The following STEAP1B variants were observed in gnomAD, a reference collection of about 807,000 sequenced individuals.
The protein encoded by STEAP1B is STEAP family protein MGC87042.
A neutral mutation model predicts 27.9 loss-of-function variants in STEAP1B; 13 were observed. The ratio of observed to expected loss-of-function variants is 0.47; its 90% confidence interval spans 0.30 to 0.74. The LOEUF (loss-of-function observed/expected upper bound fraction) is 0.74, where lower values mean the gene tolerates loss of function less well. Ranked by LOEUF, STEAP1B falls within the 30% of genes least tolerant of loss-of-function variation. The probability of loss-of-function intolerance (pLI) is 0.06; values close to 1 mark genes in which losing one functional copy is unlikely to be tolerated. For missense variants in STEAP1B, 250 were observed against 298.7 expected (o/e 0.84, Z 1.20); for synonymous variants, 86 against 107.1 (o/e 0.80, Z 1.22).
Position 22,493,689 on chromosome 7 carries a change from C to G in STEAP1B, c.232G>C (p.Ala78Pro), listed in dbSNP as rs761430280. 8.7e-6 allele frequency: 14 copies of G among 1,614,000 alleles called. No homozygotes were observed. The South Asian group carries it at 1.5e-4, about 18-fold the overall frequency. ...AAAGTCAGAGATGCCATAACAGCAG[C>G]TATTTTAATTGGCAAGTGCCACTGT... ...FPQWHLPIKIAAVMASLTFLY... is the reference protein window; with the variant it reads ...FPQWHLPIKIPAVMASLTFLY... The change falls in exon 3 of 5, where the codon GCT (alanine) becomes CCT (proline). Residue 78 changes from alanine to proline, a missense_variant. Transcript: ENST00000678116.
intron 4 of STEAP1B, among the ~76,000 whole-genome samples, chr7:22,466,216 T>G (rs1785780165): frequency 6.6e-6 from 1 of 152,232 alleles, no homozygotes; most frequent in South Asian, 2.1e-4. Flanking sequence ...ACAACAGTTT[T>G]TTTTCTACCT....
At chr7:22,485,803 GC>G (rs1182069330) in intron 4 of STEAP1B, among the ~76,000 whole-genome samples, 1 of 152,182 alleles carries the variant, frequency 6.6e-6, no homozygotes, top group Non-Finnish European at 1.5e-5. Flanking sequence ...AGATGAGTCT[GC>G]CTCTGGCTTC....
intron 4 of STEAP1B, among the ~76,000 whole-genome samples, chr7:22,462,356 T>C (rs1785693051): frequency 7.2e-6 from 1 of 139,614 alleles, no homozygotes; most frequent in African/African-American, 2.7e-5. Flanking sequence ...GCATTAGGTA[T>C]ATCTACCAAT....
At chr7:22,475,610 T>C (rs1294308387) in intron 4 of STEAP1B, among the ~76,000 whole-genome samples, 1 of 152,078 alleles carries the variant, frequency 6.6e-6, no homozygotes, top group Non-Finnish European at 1.5e-5. Context: ...CTTTAAGCCA[T>C]CCCCCAGCCT....
chr7:22,419,752 C>A lies in STEAP1B; in HGVS notation c.*52G>T. ...GGTGTTCTGCATGAGCAATCCAATG[C>A]TGTGCTCCAAAGCCTCGTTCTCATT... On this transcript the variant is annotated 3_prime_UTR_variant, in exon 5 of 5. Coordinates refer to ENST00000678116, the MANE Select transcript of STEAP1B (RefSeq NM_001382447.1). The A allele has an allele frequency of 6.5e-7, 1 of 1,541,370 alleles. No individual in the cohort carries two copies. The highest frequency in any genetic ancestry group is 8.8e-7 in the Non-Finnish European group (1 of 1,141,146).
At chr7:22,432,837 C>T (rs761996980) in intron 4 of STEAP1B, among the ~76,000 whole-genome samples, 5 of 152,170 alleles carry the variant, frequency 3.3e-5, no homozygotes, top group African/African-American at 1.2e-4. Flanking sequence ...TGATCCACTA[C>T]GGATTACATA....
chr7:22,423,776 C>A (rs1785073269), intron 4 of STEAP1B, among the ~76,000 whole-genome samples: 1 of 152,200 alleles, frequency 6.6e-6, no homozygotes, highest in Non-Finnish European at 1.5e-5. Context: ...CACTTGTAAT[C>A]CCAGCACTTT....
intron 4 of STEAP1B, among the ~76,000 whole-genome samples, chr7:22,485,943 C>T (rs1786200656): frequency 6.6e-6 from 1 of 152,122 alleles, no homozygotes; most frequent in Non-Finnish European, 1.5e-5. Flanking sequence ...TAAGAACCAC[C>T]GGTTAAGAGG....
intron 4 of STEAP1B, among the ~76,000 whole-genome samples, chr7:22,470,402 T>C (rs915072972): frequency 6.6e-6 from 1 of 152,224 alleles, no homozygotes; most frequent in Non-Finnish European, 1.5e-5. Context: ...TGATACACTT[T>C]TATTCAAATG....
At chr7:22,447,424 C>T (rs1468111994) in intron 4 of STEAP1B, among the ~76,000 whole-genome samples, 2 of 152,180 alleles carry the variant, frequency 1.3e-5, no homozygotes, top group Non-Finnish European at 2.9e-5. Flanking sequence ...AGAGTAGATT[C>T]AGTAACCACT....
chr7:22,493,175 G>A (rs1638477796), intron 3 of STEAP1B, 149 bp downstream of exon 3: 1 of 1,008,030 alleles, frequency 9.9e-7, no homozygotes, highest in South Asian at 1.9e-5. Flanking sequence ...CCAAGCCCTA[G>A]TGTAATTATA....
chr7:22,453,593 A>C (rs1001435198), intron 4 of STEAP1B, among the ~76,000 whole-genome samples: 6 of 152,242 alleles, frequency 3.9e-5, no homozygotes, highest in Admixed American at 3.3e-4. Flanking sequence ...GACATAATAT[A>C]AAATACACAA....
intron 4 of STEAP1B, among the ~76,000 whole-genome samples, chr7:22,429,867 C>T (rs528679571): frequency 2.6e-5 from 4 of 152,240 alleles, no homozygotes; most frequent in African/African-American, 7.2e-5. Flanking sequence ...ATGGGCTTAA[C>T]AGGCCTGACA....
At chr7:22,463,321 C>G (rs377572951) in intron 4 of STEAP1B, among the ~76,000 whole-genome samples, 3 of 151,598 alleles carry the variant, frequency 2.0e-5, no homozygotes, top group Non-Finnish European at 4.4e-5. Flanking sequence ...CAAACAAATG[C>G]AAGAACATTC....
At chr7:22,489,118 G>A (rs978626193) in intron 4 of STEAP1B, among the ~76,000 whole-genome samples, 2 of 151,920 alleles carry the variant, frequency 1.3e-5, no homozygotes, top group African/African-American at 2.4e-5. Context: ...TCTCGCCATA[G>A]AGGCAGCATC....
intron 4 of STEAP1B, among the ~76,000 whole-genome samples, chr7:22,473,297 T>C (rs1359600100): frequency 6.6e-6 from 1 of 152,214 alleles, no homozygotes; most frequent in African/African-American, 2.4e-5. Flanking sequence ...CTCTAGCTCC[T>C]GTCTATCTCT....
intron 4 of STEAP1B, among the ~76,000 whole-genome samples, chr7:22,456,973 T>TATATATATATATATATA (rs1554285707): frequency 1.5e-4 from 9 of 59,256 alleles, no homozygotes; most frequent in Middle Eastern, 0.011. Context: ...TATATATATA[T>TATATATATATATATATA]TTTTTTTTTT....
chr7:22,442,165 A>T (rs190258025), intron 4 of STEAP1B, among the ~76,000 whole-genome samples: 4 of 152,350 alleles, frequency 2.6e-5, no homozygotes, highest in Admixed American at 2.6e-4. Context: ...GCTCATTGCA[A>T]CAATGATGGG....
At chr7:22,436,745 T>C (rs967990646) in intron 4 of STEAP1B, among the ~76,000 whole-genome samples, 1 of 152,244 alleles carries the variant, frequency 6.6e-6, no homozygotes. Flanking sequence ...TAAGACTGCA[T>C]AGTATTCCAT....
Sources: gnomAD v4.1 joint callset for allele counts (sites outside exome capture counted in the v4.1 genomes callset) on GRCh38, gnomAD v4.1.1 for gene constraint, MANE v1.5 for transcripts, NCBI Gene and HGNC (gene_info 2026-07-23, HGNC 2026-07-21) for gene names.